Variants in SPIRE1 observed in about 807,000 individuals in gnomAD.
SPIRE1 encodes spire type actin nucleation factor 1.
SPIRE1 carries 40 observed loss-of-function variants against 94.1 expected under a neutral mutation model. The ratio of observed to expected loss-of-function variants is 0.43; its 90% CI spans 0.33 to 0.55. The LOEUF is 0.55. Ranked by LOEUF, SPIRE1 falls within the 20% of genes least tolerant of loss-of-function variation. The pLI is 0.06. For synonymous variants in SPIRE1, 376 were observed against 371.7 expected, an observed-to-expected ratio of 1.01 and a Z score of -0.13; for missense variants, 838 against 975.2, an observed-to-expected ratio of 0.86 and a Z score of 1.87.
intron 4 of SPIRE1, among the ~76,000 whole-genome samples, chr18:12,521,714 T>G (rs2034365335): frequency 6.6e-6 from 1 of 152,126 alleles, no homozygotes; most frequent in Admixed American, 6.6e-5. Flanking sequence ...TTTCCTAGAG[T>G]ATGTGCTCAC....
intron 16 of SPIRE1, among the ~76,000 whole-genome samples, chr18:12,451,483 T>C (rs2031233517): frequency 1.3e-5 from 2 of 152,178 alleles, no homozygotes; most frequent in Non-Finnish European, 2.9e-5. Context: ...CAGAGTTAAG[T>C]ATGGAAAACT....
At chr18:12,641,832 CTTTTTTTTT>C (rs576748359) in intron 1 of SPIRE1, among the ~76,000 whole-genome samples, 11 of 125,142 alleles carry the variant, frequency 8.8e-5, no homozygotes, top group Non-Finnish European at 1.4e-4. Context: ...GAATGTTATG[CTTTTTTTTT>C]TTTTTTTTTG....
At chr18:12,538,825 G>A (rs950833077) in intron 3 of SPIRE1, among the ~76,000 whole-genome samples, 1 of 152,080 alleles carries the variant, frequency 6.6e-6, no homozygotes, top group Non-Finnish European at 1.5e-5. Flanking sequence ...AGTCATCCTT[G>A]ATTATTCTTT....
chr18:12,600,061 T>TA (rs1362328893), intron 2 of SPIRE1, among the ~76,000 whole-genome samples: 1 of 144,808 alleles, frequency 6.9e-6, no homozygotes, highest in Non-Finnish European at 1.5e-5. Context: ...TGCAGATAGA[T>TA]AGTCTCTACG....
At chr18:12,566,047 T>C (rs974801096) in intron 2 of SPIRE1, among the ~76,000 whole-genome samples, 6 of 146,116 alleles carry the variant, frequency 4.1e-5, no homozygotes, top group African/African-American at 1.0e-4. Context: ...AAAAAAAAAA[T>C]TCTTTAGGCT....
intron 6 of SPIRE1, among the ~76,000 whole-genome samples, chr18:12,505,712 C>T (rs2033810586): frequency 6.6e-6 from 1 of 152,084 alleles, no homozygotes; most frequent in Non-Finnish European, 1.5e-5. Flanking sequence ...AAAAGATTTA[C>T]ATACAAGGAT....
At chr18:12,657,490 G>T (rs1350855212) in intron 1 of SPIRE1, 40 bp downstream of exon 1, 4 of 1,221,196 alleles carry the variant, frequency 3.3e-6, no homozygotes, top group Admixed American at 4.3e-5. Flanking sequence ...AGCCGCGGGT[G>T]TTCCAAGAAC....
Position 12,512,423 on chromosome 18 carries a change from A to G in SPIRE1, c.807+31T>C, listed in dbSNP as rs772965208. ...AAAATTATACTATTTCTTAGACAGT[A>G]AACAGATCAGAAAGCATTTCCAGCT... On this transcript the variant is annotated intron_variant, in intron 5 of 16. Coordinates refer to ENST00000409402, the MANE Select transcript of SPIRE1 (RefSeq NM_001128626.2). 85 of 1,526,166 alleles carry G rather than the reference A, an allele frequency of 5.6e-5. No homozygotes were observed. The Admixed American group carries it at 9.8e-4, about 18-fold the overall frequency. 94.5% of individuals were successfully genotyped at this position (1,526,166 alleles called of 1,614,324 possible).
chr18:12,649,056 G>C (rs1203401732), intron 1 of SPIRE1, among the ~76,000 whole-genome samples: 1 of 151,808 alleles, frequency 6.6e-6, no homozygotes, highest in Non-Finnish European at 1.5e-5. Context: ...ACTGGGTGAG[G>C]GGCAAATAAG....
chr18:12,519,262 G>A (rs531337629), intron 4 of SPIRE1, among the ~76,000 whole-genome samples: 1 of 152,210 alleles, frequency 6.6e-6, no homozygotes, highest in East Asian at 1.9e-4. Flanking sequence ...AAAAATGAAA[G>A]CAATTCATTT....
rs556774301 is a variant in SPIRE1 at position 12,588,326 on chromosome 18, C to T, written c.373-41422G>A. 6.0e-4 allele frequency: 92 copies of T among 152,458 alleles called. 2 individuals carry two copies. The highest frequency in any genetic ancestry group is 2.2e-3 in the African/African-American group (91 of 41,482). 9.4% of individuals were successfully genotyped at this position (152,458 alleles called of 1,614,324 possible). A position where few individuals can be genotyped will look rare whatever the true frequency, so the allele number is the denominator to read the frequency against. ...TTTTTCCAGGTAAATACATCAATGT[C>T]ATCTATTCACTATAGTAAGTCTTAT... On this transcript the variant is annotated intron_variant, in intron 2 of 16. Coordinates refer to ENST00000409402, the MANE Select transcript of SPIRE1 (RefSeq NM_001128626.2).
chr18:12,461,544 T>C (rs567151723), intron 12 of SPIRE1, among the ~76,000 whole-genome samples: 3 of 149,632 alleles, frequency 2.0e-5, no homozygotes, highest in South Asian at 2.1e-4. Flanking sequence ...CGTACATATG[T>C]ATATACATAC....
At chr18:12,561,029 C>T (rs965142086) in intron 2 of SPIRE1, among the ~76,000 whole-genome samples, 14 of 152,114 alleles carry the variant, frequency 9.2e-5, no homozygotes, top group African/African-American at 3.4e-4. Flanking sequence ...GTGATGGAGA[C>T]CCCATTACCC....
chr18:12,592,037 C>T, intron 2 of SPIRE1, among the ~76,000 whole-genome samples: 1 of 145,016 alleles, frequency 6.9e-6, no homozygotes, highest in South Asian at 2.3e-4. Flanking sequence ...TTAACTTTAA[C>T]TTTGAGATAT....
chr18:12,623,609 A>G (rs534083687), intron 2 of SPIRE1, among the ~76,000 whole-genome samples: 1 of 152,220 alleles, frequency 6.6e-6, no homozygotes, highest in South Asian at 2.1e-4. Flanking sequence ...TTTCACTAAG[A>G]CAGACTGATA....
chr18:12,654,235 G>A lies in SPIRE1; in HGVS notation c.337+3295C>T, dbSNP rs561853407. 1.3e-4 allele frequency among the ~76,000 whole-genome samples: 19 copies of A among 151,322 alleles called. No individual in the cohort carries two copies. In the East Asian group the frequency reaches 3.7e-3, roughly 30 times the overall value. ...ACCTGTAATCCCAGCTACTTGGGAG[G>A]CTGAGGTAGGAGAATTGCTTGAACC... is the stretch of plus-strand genomic sequence containing the variant. On this transcript the variant is annotated intron_variant, in intron 1 of 16. Coordinates refer to ENST00000409402, the MANE Select transcript of SPIRE1 (RefSeq NM_001128626.2).
intron 2 of SPIRE1, among the ~76,000 whole-genome samples, chr18:12,556,790 A>G (rs968429616): frequency 1.3e-5 from 2 of 152,128 alleles, no homozygotes; most frequent in Non-Finnish European, 2.9e-5. Flanking sequence ...TGAGGACCCA[A>G]AGAGTGAGCA....
At chr18:12,581,399 G>A (rs189534619) in intron 2 of SPIRE1, among the ~76,000 whole-genome samples, 70 of 151,826 alleles carry the variant, frequency 4.6e-4, no homozygotes, top group Non-Finnish European at 9.1e-4. Flanking sequence ...TATAATTTCC[G>A]TTTTGAAAAC....
chr18:12,474,826 C>G (rs373484615), intron 10 of SPIRE1, among the ~76,000 whole-genome samples: 45 of 152,100 alleles, frequency 3.0e-4, no homozygotes, highest in African/African-American at 9.6e-4. Flanking sequence ...CTCAAAAAAC[C>G]CCCCCAAAAA....
Sources: allele counts gnomAD v4.1 joint callset (sites outside exome capture counted in the v4.1 genomes callset), GRCh38; gene constraint gnomAD v4.1.1; transcripts MANE v1.5; gene names NCBI Gene and HGNC (gene_info 2026-07-23, HGNC 2026-07-21).